The following ANK2 variants were observed in gnomAD, a reference collection of about 807,000 sequenced individuals.
ANK2 encodes the protein ankyrin 2.
In ANK2, 83 loss-of-function variants were observed where a neutral mutation model predicts 360.5. The observed-to-expected ratio is 0.23, with a 90% CI of 0.19 to 0.28. The LOEUF is 0.28. Among genes scored for constraint, ANK2 ranks in the 10% least tolerant of loss-of-function variants. The pLI is 1.00. For missense variants in ANK2, 4,201 were observed against 4,795.7 expected (o/e 0.88, Z 3.66); for synonymous variants, 1,740 against 1,759.5 (o/e 0.99, Z 0.28).
At chr4:113,375,064 TAATTCAAGAGGGTAGAACTC>T in intron 45 of ANK2, 1 of 416,022 alleles carries the variant, frequency 2.4e-6, no homozygotes. Context: ...AGGTGCAGAA[TAATTCAAGAGGGTAGAACTC>T]CTGTTTGAAT....
At chr4:113,212,582 G>T (rs2099036651) in intron 4 of ANK2, among the ~76,000 whole-genome samples, 1 of 152,180 alleles carries the variant, frequency 6.6e-6, no homozygotes, top group Non-Finnish European at 1.5e-5. Context: ...AAGCTAGGTG[G>T]TCAAATCCCA....
At chr4:112,973,466 C>T (rs1000956598) in intron 2 of ANK2, among the ~76,000 whole-genome samples, 24 of 152,276 alleles carry the variant, frequency 1.6e-4, no homozygotes, top group African/African-American at 4.8e-4. Context: ...ACTAGTTCAG[C>T]GCTGTTCCAT....
chr4:113,233,113 T>G (rs1190767875), intron 5 of ANK2, among the ~76,000 whole-genome samples: 1 of 5,144 alleles, frequency 1.9e-4, no homozygotes, highest in African/African-American at 7.4e-4. Flanking sequence ...TCTGTTTTTT[T>G]TTTTTTTTTT....
chr4:112,759,608 G>T, the ANK2 span, among the ~76,000 whole-genome samples: 1 of 152,104 alleles, frequency 6.6e-6, no homozygotes, highest in African/African-American at 2.4e-5. Flanking sequence ...AGGTAGGGGG[G>T]TGAGTAAATC....
intron 1 of ANK2, among the ~76,000 whole-genome samples, chr4:113,088,449 G>T (rs1252686912): frequency 6.6e-6 from 1 of 152,072 alleles, no homozygotes; most frequent in Non-Finnish European, 1.5e-5. Context: ...AAGTGGAAGC[G>T]TTTACCTATA....
intron 1 of ANK2, among the ~76,000 whole-genome samples, chr4:112,872,027 T>TG (rs2073253638): frequency 7.4e-6 from 1 of 134,680 alleles, no homozygotes; most frequent in Admixed American, 7.6e-5. Context: ...TGCATCTGTA[T>TG]TTTTTTTTTT....
At chr4:112,874,250 T>C (rs2074267290) in intron 1 of ANK2, among the ~76,000 whole-genome samples, 1 of 147,492 alleles carries the variant, frequency 6.8e-6, no homozygotes, top group Non-Finnish European at 1.5e-5. Context: ...CCTGGCTAAT[T>C]TTTTGTATTT....
At chr4:113,313,465 C>T (rs929699914) in intron 24 of ANK2, among the ~76,000 whole-genome samples, 1 of 152,150 alleles carries the variant, frequency 6.6e-6, no homozygotes, top group African/African-American at 2.4e-5. Flanking sequence ...GGTCAGGGGA[C>T]ATGAAACAAA....
Position 113,356,057 on chromosome 4 carries a change from C to T in ANK2, c.7439C>T (p.Ala2480Val), listed in dbSNP as rs2095746696. ...AGCCCTGTTGAACCAAAGATGAAGG[C>T]TGGAATTTTTCCAAGTCACTTTCCT... ...ESSPVEPKMK[A>V]GIFPSHFPLP... The change falls in exon 38 of 46, where the codon GCT (alanine) becomes GTT (valine). Residue 2480 changes from alanine (A) to valine (V), a missense_variant. Transcript: ENST00000357077. 4 of 1,614,108 alleles carry T rather than the reference C, an allele frequency of 2.5e-6. No individual in the cohort carries two copies. The highest frequency in any genetic ancestry group is 3.4e-6 in the Non-Finnish European group (4 of 1,179,990).
chr4:112,794,120 T>C, the ANK2 span, among the ~76,000 whole-genome samples: 10 of 152,200 alleles, frequency 6.6e-5, no homozygotes, highest in African/African-American at 2.4e-4. Context: ...CATTTTACAA[T>C]GCAAACACAG....
chr4:113,190,428 C>T (rs2153354136), intron 2 of ANK2, among the ~76,000 whole-genome samples: 1 of 152,022 alleles, frequency 6.6e-6, no homozygotes, highest in South Asian at 2.1e-4. Context: ...CTTTTAAATG[C>T]TGAGCTTGGC....
intron 2 of ANK2, among the ~76,000 whole-genome samples, chr4:112,996,924 T>C (rs906911869): frequency 1.3e-5 from 2 of 152,110 alleles, no homozygotes; most frequent in Non-Finnish European, 2.9e-5. Flanking sequence ...CAGCCTCTGG[T>C]AACCATCCTT....
chr4:113,360,737 G>T, intron 38 of ANK2, 86 bp from the exon 39 acceptor site: 1 of 1,181,460 alleles, frequency 8.5e-7, no homozygotes, highest in South Asian at 1.3e-5. Flanking sequence ...TTGGAGAAGT[G>T]ACTTCCTTTC....
At chr4:112,873,733 A>G (rs2074065044) in intron 1 of ANK2, among the ~76,000 whole-genome samples, 1 of 147,200 alleles carries the variant, frequency 6.8e-6, no homozygotes, top group African/African-American at 2.5e-5. Flanking sequence ...TTTGGTAGAG[A>G]CGGGGTTTCA....
chr4:113,366,569 A>G (rs1204763538), intron 41 of ANK2, among the ~76,000 whole-genome samples: 1 of 151,598 alleles, frequency 6.6e-6, no homozygotes, highest in Non-Finnish European at 1.5e-5. Context: ...CCTCCTTGCC[A>G]TTTCTGGAGC....
intron 17 of ANK2, among the ~76,000 whole-genome samples, chr4:113,282,231 A>G (rs1343465415): frequency 6.6e-6 from 1 of 152,242 alleles, no homozygotes; most frequent in Non-Finnish European, 1.5e-5. Flanking sequence ...AGCTCAGAAC[A>G]GGTCATCCTT....
At chr4:113,148,518 G>A (rs763209602) in intron 1 of ANK2, among the ~76,000 whole-genome samples, 4 of 151,778 alleles carry the variant, frequency 2.6e-5, no homozygotes, top group Non-Finnish European at 4.4e-5. Context: ...CAGGTTTTTC[G>A]TATGAGCTTT....
intron 2 of ANK2, among the ~76,000 whole-genome samples, chr4:113,190,478 G>GTT (rs61608551): frequency 7.4e-4 from 108 of 146,220 alleles, no homozygotes; most frequent in African/African-American, 2.5e-3. Flanking sequence ...TCATTTTAAT[G>GTT]TTTTTTTTTT....
intron 1 of ANK2, among the ~76,000 whole-genome samples, chr4:113,063,333 G>T (rs1000600396): frequency 1.1e-4 from 16 of 152,000 alleles, no homozygotes; most frequent in African/African-American, 3.6e-4. Flanking sequence ...ATTAAAATAA[G>T]AAATTCTTGG....
Sources: allele counts gnomAD v4.1 joint callset (sites outside exome capture counted in the v4.1 genomes callset), GRCh38; gene constraint gnomAD v4.1.1; transcripts MANE v1.5; gene names NCBI Gene and HGNC (gene_info 2026-07-23, HGNC 2026-07-21).